Variants in IL1RAPL1 observed in about 807,000 individuals in gnomAD.
IL1RAPL1 encodes interleukin-1 receptor accessory protein-like 1.
IL1RAPL1 carries 3 observed loss-of-function variants against 48.4 expected under a neutral mutation model. That is an observed-to-expected ratio of 0.06 (90% CI 0.03 to 0.16). The LOEUF is 0.16. IL1RAPL1 is among the 10% of genes least tolerant of loss of function. IL1RAPL1 has a pLI of 1.00. For missense variants in IL1RAPL1, 349 were observed against 530.6 expected (o/e 0.66, Z 3.36); for synonymous variants, 185 against 187.7 (o/e 0.99, Z 0.12).
At chrX:29,664,964 G>C (rs1925958018) in intron 5 of IL1RAPL1, among the ~76,000 whole-genome samples, 1 of 112,189 alleles carries the variant, frequency 8.9e-6, no homozygotes, top group Non-Finnish European at 1.9e-5. Flanking sequence ...CTGTAAGAGA[G>C]GTCTGTTATT....
chrX:28,772,096 C>A (rs1044512053), intron 1 of IL1RAPL1, among the ~76,000 whole-genome samples: 3 of 111,067 alleles, frequency 2.7e-5, no homozygotes, highest in African/African-American at 9.8e-5. Flanking sequence ...GCTTTCTACC[C>A]CTTTCTCTCG....
intron 5 of IL1RAPL1, among the ~76,000 whole-genome samples, chrX:29,550,655 A>G (rs970425401): frequency 1.8e-5 from 2 of 111,666 alleles, no homozygotes; most frequent in Non-Finnish European, 3.8e-5. Context: ...AATACCAATT[A>G]AAAGTTTGCT....
At chrX:28,928,747 C>G (rs758438466) in intron 2 of IL1RAPL1, among the ~76,000 whole-genome samples, 38 of 112,077 alleles carry the variant, frequency 3.4e-4, no homozygotes, top group African/African-American at 1.1e-3. Flanking sequence ...CAACCTATTA[C>G]AGTTGTCAGT....
chrX:29,549,846 G>A (rs935538652), intron 5 of IL1RAPL1, among the ~76,000 whole-genome samples: 1 of 111,660 alleles, frequency 9.0e-6, no homozygotes, highest in Non-Finnish European at 1.9e-5. Context: ...TGCCAATCGT[G>A]TAAGATAAAC....
intron 6 of IL1RAPL1, among the ~76,000 whole-genome samples, chrX:29,913,393 TACAC>T (rs775944840): frequency 9.4e-6 from 1 of 105,921 alleles, no homozygotes; most frequent in African/African-American, 3.5e-5. Context: ...GACACAGTGA[TACAC>T]ACACACACAT....
chrX:28,830,282 T>A (rs1464746578), intron 2 of IL1RAPL1, among the ~76,000 whole-genome samples: 1 of 112,004 alleles, frequency 8.9e-6, no homozygotes, highest in East Asian at 2.8e-4. Context: ...TTTATTTGTG[T>A]CAAGTTTTAA....
intron 1 of IL1RAPL1, among the ~76,000 whole-genome samples, chrX:28,639,969 TA>T (rs1934513324): frequency 9.0e-6 from 1 of 111,602 alleles, no homozygotes; most frequent in African/African-American, 3.3e-5. Flanking sequence ...TTACAGAACA[TA>T]TGGGATAAAA....
At chrX:29,646,129 A>T (rs912546687) in intron 5 of IL1RAPL1, among the ~76,000 whole-genome samples, 4 of 112,240 alleles carry the variant, frequency 3.6e-5, no homozygotes, top group Non-Finnish European at 7.5e-5. Context: ...GAACTACATA[A>T]CAGAAAATTC....
intron 5 of IL1RAPL1, among the ~76,000 whole-genome samples, chrX:29,555,680 A>G (rs1000532796): frequency 3.6e-5 from 4 of 112,055 alleles, no homozygotes; most frequent in African/African-American, 1.3e-4. Flanking sequence ...GATTAGCTCT[A>G]TAATGAGTCA....
chrX:29,013,152 A>G (rs1332988568), intron 2 of IL1RAPL1, among the ~76,000 whole-genome samples: 3 of 109,669 alleles, frequency 2.7e-5, no homozygotes, highest in Non-Finnish European at 5.7e-5. Flanking sequence ...CAAAACCACA[A>G]TGAGATACCA....
chrX:28,659,231 GT>G, intron 1 of IL1RAPL1: 1 of 733,962 alleles, frequency 1.4e-6, no homozygotes, highest in Non-Finnish European at 2.1e-6. Context: ...GCGCAGATCT[GT>G]TTTAAAGTCC....
At chrX:29,197,960 C>T (rs1046223545) in intron 2 of IL1RAPL1, among the ~76,000 whole-genome samples, 4 of 111,181 alleles carry the variant, frequency 3.6e-5, no homozygotes, top group East Asian at 2.8e-4. Context: ...CCACCGGTCT[C>T]GGCCTCCCAA....
At chrX:29,020,411 C>T (rs937068150) in intron 2 of IL1RAPL1, among the ~76,000 whole-genome samples, 1 of 111,941 alleles carries the variant, frequency 8.9e-6, no homozygotes, top group African/African-American at 3.2e-5. Context: ...TTACAGTTGC[C>T]TACAGTATTC....
intron 5 of IL1RAPL1, among the ~76,000 whole-genome samples, chrX:29,428,416 CT>C (rs1022790903): frequency 9.0e-6 from 1 of 111,279 alleles, no homozygotes; most frequent in African/African-American, 3.3e-5. Context: ...TCCGCTATGA[CT>C]TTTATACTGT....
chrX:29,816,383 A>G (rs1930493627), intron 6 of IL1RAPL1, among the ~76,000 whole-genome samples: 1 of 111,322 alleles, frequency 9.0e-6, no homozygotes, highest in South Asian at 3.7e-4. Flanking sequence ...GAAGAAATGA[A>G]AACCCTAAAC....
chrX:28,899,437 C>T (rs1324543167), intron 2 of IL1RAPL1, among the ~76,000 whole-genome samples: 2 of 111,889 alleles, frequency 1.8e-5, no homozygotes, highest in Non-Finnish European at 3.8e-5. Flanking sequence ...GGATTGCAAG[C>T]ATGAACCGTG....
chrX:29,784,605 T>G (rs72625542), intron 6 of IL1RAPL1, among the ~76,000 whole-genome samples: 3,740 of 111,148 alleles, frequency 0.034, 224 homozygotes, highest in East Asian at 0.32. Context: ...GGCTGCTCTA[T>G]TTTGTCAAAT....
At chrX:29,172,908 A>G (rs1929937440) in intron 2 of IL1RAPL1, among the ~76,000 whole-genome samples, 1 of 111,779 alleles carries the variant, frequency 8.9e-6, no homozygotes, top group African/African-American at 3.3e-5. Context: ...TGAATTTGGC[A>G]TGGGATCATT....
At chrX:29,699,204 T>A (rs1926990899) in intron 6 of IL1RAPL1, among the ~76,000 whole-genome samples, 1 of 112,641 alleles carries the variant, frequency 8.9e-6, no homozygotes, top group Non-Finnish European at 1.9e-5. Context: ...AACCAGGATT[T>A]ACAATTGCAT....
Sources: allele counts gnomAD v4.1 joint callset (sites outside exome capture counted in the v4.1 genomes callset), GRCh38; gene constraint gnomAD v4.1.1; transcripts MANE v1.5; gene names NCBI Gene and HGNC (gene_info 2026-07-23, HGNC 2026-07-21).